OPRM1: variants seen among roughly 807,000 people sequenced by gnomAD.
OPRM1 encodes opioid receptor mu 1, also known as mu-type opioid receptor.
In OPRM1, 27 loss-of-function variants were observed where a neutral mutation model predicts 31.8. The observed-to-expected ratio is 0.85, with a 90% CI of 0.63 to 1.17. The LOEUF (loss-of-function observed/expected upper bound fraction) is 1.17, where lower values mean the gene tolerates loss of function less well. OPRM1 is among the 50% of genes most tolerant of loss of function. OPRM1 has a pLI of 0.00. For missense variants in OPRM1, 536 were observed against 511.1 expected (o/e 1.05, Z -0.47); for synonymous variants, 196 against 189.9 (o/e 1.03, Z -0.26).
At chr6:154,218,622 T>C (rs1778607031) in intron 3 of OPRM1, among the ~76,000 whole-genome samples, 1 of 152,222 alleles carries the variant, frequency 6.6e-6, no homozygotes, top group Non-Finnish European at 1.5e-5. Context: ...TCATGTGTTA[T>C]TGCAAAGTAA....
intron 3 of OPRM1, among the ~76,000 whole-genome samples, chr6:154,096,698 A>G (rs1421079212): frequency 6.6e-6 from 1 of 152,176 alleles, no homozygotes. Flanking sequence ...AAATCATTAT[A>G]TAAGATCAAA....
downstream of OPRM1, among the ~76,000 whole-genome samples, chr6:154,132,904 G>A (rs573015745): frequency 6.6e-6 from 1 of 152,058 alleles, no homozygotes; most frequent in African/African-American, 2.4e-5. Flanking sequence ...GGTGGATCAC[G>A]AAGTCAGGAG....
chr6:154,222,909 T>C (rs1437939982), intron 3 of OPRM1: 1 of 500,606 alleles, frequency 2.0e-6, no homozygotes, highest in African/African-American at 1.9e-5. Context: ...GTTTATTCCA[T>C]CACAGACACA....
In OPRM1 at chr6:154,118,842, A is replaced by G. The variant is rs202044808; in HGVS notation, c.*121A>G. 3 of 1,523,208 alleles carry G rather than the reference A, an allele frequency of 2.0e-6. No individual in the cohort carries two copies. The highest frequency in any genetic ancestry group is 2.6e-6 in the Non-Finnish European group (3 of 1,144,174). The allele number at this position is 1,523,208 out of a possible 1,614,324, so 94.4% of individuals were successfully genotyped here. On this transcript the variant is annotated 3_prime_UTR_variant, in exon 4 of 4. Coordinates refer to ENST00000330432, the MANE Select transcript of OPRM1 (RefSeq NM_000914.5). ...CTAGGAAAGTGCCTGCTTTTAGGTC[A>G]TCCAACCTCTTTCCTCTCTGGCCAC...
At chr6:154,132,620 A>G (rs1263512873), downstream of OPRM1, among the ~76,000 whole-genome samples, 1 of 152,212 alleles carries the variant, frequency 6.6e-6, no homozygotes, top group Admixed American at 6.5e-5. Context: ...GAGAAGAAAA[A>G]TATCCACTGT....
chr6:154,108,114 C>T (rs926205373), intron 3 of OPRM1: 40 of 600,652 alleles, frequency 6.7e-5, no homozygotes, highest in Non-Finnish European at 9.3e-5. Flanking sequence ...CCTAGTGATC[C>T]GGCTTGCGGC....
At chr6:154,147,669 C>T (rs1241799032) in intron 3 of OPRM1, among the ~76,000 whole-genome samples, 1 of 152,216 alleles carries the variant, frequency 6.6e-6, no homozygotes, top group Non-Finnish European at 1.5e-5. Context: ...TCAATCATCC[C>T]TGCCAGCTGG....
At chr6:154,176,699 G>A (rs1034382530) in intron 3 of OPRM1, among the ~76,000 whole-genome samples, 2 of 152,186 alleles carry the variant, frequency 1.3e-5, no homozygotes, top group African/African-American at 4.8e-5. Flanking sequence ...AACATTCCAT[G>A]CTCATGGATA....
At chr6:154,146,639 C>G (rs73790445) in intron 3 of OPRM1, among the ~76,000 whole-genome samples, 195 of 152,272 alleles carry the variant, frequency 1.3e-3, no homozygotes, top group African/African-American at 4.6e-3. Context: ...GGGAAAAGAG[C>G]ATTTGCATTC....
chr6:154,057,307 GTC>G (rs1199418234), intron 1 of OPRM1, among the ~76,000 whole-genome samples: 1 of 152,160 alleles, frequency 6.6e-6, no homozygotes, highest in African/African-American at 2.4e-5. Flanking sequence ...AATAGACACA[GTC>G]TGACTTTTTC....
chr6:154,057,936 A>C (rs1783641347), intron 1 of OPRM1, among the ~76,000 whole-genome samples: 1 of 152,228 alleles, frequency 6.6e-6, no homozygotes, highest in Admixed American at 6.5e-5. Context: ...AGATGTAACT[A>C]TCAAAAGAGA....
At chr6:154,100,110 T>A (rs62436475) in intron 3 of OPRM1, among the ~76,000 whole-genome samples, 2,562 of 24,298 alleles carry the variant, frequency 0.11, 625 homozygotes, top group East Asian at 0.34. Flanking sequence ...GATATATATA[T>A]TATATATTAT....
chr6:154,087,518 G>A (rs375756297), intron 1 of OPRM1: 7 of 985,334 alleles, frequency 7.1e-6, no homozygotes, highest in East Asian at 1.1e-4. Flanking sequence ...CACATCCTCC[G>A]GATTAGGTCC....
chr6:154,218,641 C>CTTA (rs1435067660), intron 3 of OPRM1, among the ~76,000 whole-genome samples: 1 of 152,216 alleles, frequency 6.6e-6, no homozygotes, highest in Non-Finnish European at 1.5e-5. Context: ...AAATCTCTAT[C>CTTA]ATCTGCATAA....
At chr6:154,159,884 T>C in intron 3 of OPRM1, 2 of 1,613,186 alleles carry the variant, frequency 1.2e-6, no homozygotes, top group South Asian at 1.1e-5. Flanking sequence ...TCCTGGGGGG[T>C]GTCATCAGTG....
intron 1 of OPRM1, among the ~76,000 whole-genome samples, chr6:154,020,234 G>A (rs1213035097): frequency 6.6e-6 from 1 of 152,152 alleles, no homozygotes; most frequent in Non-Finnish European, 1.5e-5. Flanking sequence ...ACATGATTAT[G>A]GGATTGCATG....
chr6:154,150,789 G>A (rs893565971), intron 3 of OPRM1, among the ~76,000 whole-genome samples: 1 of 152,214 alleles, frequency 6.6e-6, no homozygotes, highest in African/African-American at 2.4e-5. Context: ...TTGAAATTCT[G>A]TCACTCTTGT....
At position 154,047,987 on chromosome 6, in the gene OPRM1, G is replaced by A. The variant is rs151171580; in HGVS notation, c.290+8153G>A. Among the ~76,000 whole-genome samples, 816 of 152,164 alleles carry A rather than the reference G, an allele frequency of 5.4e-3. 4 individuals are homozygous for A. Among genetic ancestry groups the A allele is most frequent in the African/African-American group, 0.013 (545 of 41,488 alleles). ...CAAAGAGGCAAGGAAGCTCTCTAGG[G>A]CCTCTTTCATAAGGGCATTAATAGT... On this transcript the variant is annotated intron_variant, in intron 1 of 3. Transcript: ENST00000330432.
chr6:154,227,026 A>G (rs1055424866), intron 3 of OPRM1, among the ~76,000 whole-genome samples: 7 of 151,886 alleles, frequency 4.6e-5, no homozygotes, highest in African/African-American at 1.7e-4. Flanking sequence ...GTGAAACTCT[A>G]TCTCTACTAA....
Sources: allele counts gnomAD v4.1 joint callset (sites outside exome capture counted in the v4.1 genomes callset), GRCh38; gene constraint gnomAD v4.1.1; transcripts MANE v1.5; gene names NCBI Gene and HGNC (gene_info 2026-07-23, HGNC 2026-07-21).